Variants in VGLL4 observed in about 807,000 individuals in gnomAD.
The protein encoded by VGLL4 is vestigial like family member 4, also known as transcription cofactor vestigial-like protein 4.
Under a neutral mutation model 21.0 loss-of-function variants are expected in VGLL4, and 7 were observed. The ratio of observed to expected loss-of-function variants is 0.33; its 90% confidence interval spans 0.19 to 0.63. VGLL4 has a LOEUF of 0.63. Among genes scored for constraint, VGLL4 ranks in the 20% least tolerant of loss-of-function variants. The pLI is 0.78. For missense variants in VGLL4, 394 were observed against 425.7 expected, an observed-to-expected ratio of 0.93 and a Z score of 0.66; for synonymous variants, 222 against 173.2, an observed-to-expected ratio of 1.28 and a Z score of -2.21.
chr3:11,575,489 G>A (rs561305053), intron 2 of VGLL4, among the ~76,000 whole-genome samples: 7 of 152,244 alleles, frequency 4.6e-5, no homozygotes, highest in South Asian at 2.1e-4. Context: ...AAGGAGCTCC[G>A]AGGGCAAAGT....
intron 2 of VGLL4, among the ~76,000 whole-genome samples, chr3:11,591,242 C>T (rs2074488445): frequency 6.6e-6 from 1 of 152,182 alleles, no homozygotes; most frequent in Non-Finnish European, 1.5e-5. Flanking sequence ...CACATTCTGT[C>T]ACATACCCCA....
intron 1 of VGLL4, among the ~76,000 whole-genome samples, chr3:11,713,964 G>A (rs966561842): frequency 6.6e-6 from 1 of 152,270 alleles, no homozygotes; most frequent in Admixed American, 6.5e-5. Context: ...AGCCCTGCAG[G>A]AGGGCAGGGG....
rs529628650 is a variant in VGLL4, at chr3:11,650,094, C to T, written c.65-48072G>A. ...GGTGCATGCCACCGTGTCTGGCTAA[C>T]TTTTTTTTTTAATCATTTTTTGTAG... On this transcript the variant is annotated intron_variant, in intron 2 of 5. Transcript: ENST00000273038. 8.7e-5 allele frequency among the ~76,000 whole-genome samples: 13 copies of T among 149,854 alleles called. No individual in the cohort carries two copies. The East Asian group carries it at 2.3e-3, about 27-fold the overall frequency.
rs754575118 is a variant in VGLL4 at position 11,564,851 on chromosome 3, G to A, written c.441C>T (p.Asp147=). The change falls in exon 3 of 5, where the codon GAC becomes GAT. Residue 147 remains aspartate, a synonymous_variant. Transcript: ENST00000430365. ...QPLALTKNSL[D]ASRPAGLSPT... ...GCGAGAGGCCGGCTGGCCTGCTGGC[G>A]TCCAGGCTGTTCTTGGTCAGTGCGA... 2.9e-5 allele frequency: 46 copies of A among 1,605,578 alleles called. No individual in the cohort carries two copies. Among genetic ancestry groups the A allele is most frequent in the East Asian group, 4.5e-5 (2 of 44,640 alleles).
intron 1 of VGLL4, among the ~76,000 whole-genome samples, chr3:11,630,197 C>CT (rs1476018232): frequency 2.6e-5 from 4 of 152,266 alleles, no homozygotes; most frequent in East Asian, 1.9e-4. Context: ...CGGAATATAT[C>CT]TTTTTTTCAC....
Position 11,675,234 on chromosome 3 carries a change from C to T in VGLL4, c.64+27737G>A, listed in dbSNP as rs561197202. 1.1e-4 allele frequency among the ~76,000 whole-genome samples: 17 copies of T among 152,134 alleles called. No individual in the cohort carries two copies. In the East Asian group the frequency reaches 3.3e-3, roughly 29 times the overall value. On this transcript the variant is annotated intron_variant, in intron 2 of 5. Transcript: ENST00000273038. ...GCAGGCGCCTGTAATCCCAGCTACT[C>T]AGGAGGCTGAGGCATGAGAATCACT...
In VGLL4 at chr3:11,565,096, G is replaced by A. The variant is rs562513704; in HGVS notation, c.273-77C>T. 189 of 1,302,376 alleles carry A rather than the reference G, an allele frequency of 1.5e-4. No homozygotes were observed. In the East Asian group the frequency reaches 4.5e-3, roughly 31 times the overall value. 80.7% of individuals were successfully genotyped at this position (1,302,376 alleles called of 1,614,324 possible). On this transcript the variant is annotated intron_variant, in intron 2 of 4. Transcript: ENST00000430365. This position sits in a 1 kb window ranked among gnomAD's most constrained non-coding sequence, Gnocchi z 4.1. The stretch of plus-strand genomic sequence containing the variant: ...ACAGTGACTGTGCGCCAGGCACTCC[G>A]TGTTGCTTATTTAATTTTTTACCCT...
rs989682440 is a variant in VGLL4 at position 11,633,904 on chromosome 3, T to C, written c.82+9533A>G. Among the ~76,000 whole-genome samples the C allele has an allele frequency of 2.0e-5, 3 of 152,096 alleles. No homozygotes were observed. In the East Asian group the frequency reaches 5.8e-4, roughly 29 times the overall value. On this transcript the variant is annotated intron_variant, in intron 1 of 4. Transcript: ENST00000430365. ...AAGCCGGAATGATATTCTGGTAATA[T>C]TACAGATGTAAACCTAGAAGAAGAT...
intron 2 of VGLL4, among the ~76,000 whole-genome samples, chr3:11,583,890 G>T (rs1004455785): frequency 6.6e-6 from 1 of 152,172 alleles, no homozygotes; most frequent in Admixed American, 6.5e-5. Context: ...GAGAGGTTTG[G>T]GGGGATGGAC....
chr3:11,640,684 G>A (rs531601087), intron 1 of VGLL4, among the ~76,000 whole-genome samples: 1 of 152,144 alleles, frequency 6.6e-6, no homozygotes, highest in Non-Finnish European at 1.5e-5. Context: ...ATGGTGGAGG[G>A]CAGGAGCCAG....
At chr3:11,680,515 T>C (rs1320866254) in intron 2 of VGLL4, among the ~76,000 whole-genome samples, 1 of 152,116 alleles carries the variant, frequency 6.6e-6, no homozygotes, top group Non-Finnish European at 1.5e-5. Context: ...AGACCAGTAG[T>C]GCCAAAACAC....
chr3:11,599,086 A>T (rs2074716540), intron 2 of VGLL4, among the ~76,000 whole-genome samples: 1 of 152,174 alleles, frequency 6.6e-6, no homozygotes, highest in Non-Finnish European at 1.5e-5. Context: ...AACACGAAGA[A>T]GTAAGACAGG....
chr3:11,603,053 G>C (rs189762219), intron 1 of VGLL4, among the ~76,000 whole-genome samples: 1 of 152,214 alleles, frequency 6.6e-6, no homozygotes, highest in Admixed American at 6.5e-5. Context: ...AACTTCATCC[G>C]AGGCCTTGTG....
intron 2 of VGLL4, among the ~76,000 whole-genome samples, chr3:11,657,388 A>C (rs2125349731): frequency 1.3e-5 from 2 of 152,318 alleles, no homozygotes; most frequent in Middle Eastern, 6.8e-3. Flanking sequence ...CAAATGTGGC[A>C]AGCAAATGAG....
intron 2 of VGLL4, among the ~76,000 whole-genome samples, chr3:11,661,769 G>A (rs1267612204): frequency 6.6e-6 from 1 of 152,168 alleles, no homozygotes; most frequent in African/African-American, 2.4e-5. Flanking sequence ...ACTGCGCCCA[G>A]CCTGAACCAA....
chr3:11,558,458 CCCA>C lies in VGLL4; in HGVS notation c.*95_*97del. The C allele has an allele frequency of 1.9e-6, 2 of 1,029,734 alleles. No individual in the cohort carries two copies. Among genetic ancestry groups the C allele is most frequent in the South Asian group, 1.5e-5 (1 of 67,392 alleles). 63.8% of individuals were successfully genotyped at this position (1,029,734 alleles called of 1,614,324 possible). On this transcript the variant is annotated 3_prime_UTR_variant, in exon 5 of 5. Transcript: ENST00000430365. ...CAAATAAACCATCCCTTCCCTTCCC[CCCA>C]CCCCACCCCCATGATTTTTTTTTTT...
At chr3:11,560,986 G>A (rs1186876725) in intron 3 of VGLL4, among the ~76,000 whole-genome samples, 1 of 152,058 alleles carries the variant, frequency 6.6e-6, no homozygotes, top group African/African-American at 2.4e-5. Flanking sequence ...CAGGGGTCAA[G>A]CAGCAGCAAG....
chr3:11,673,787 G>A (rs1468825464), intron 2 of VGLL4, among the ~76,000 whole-genome samples: 1 of 152,056 alleles, frequency 6.6e-6, no homozygotes, highest in Non-Finnish European at 1.5e-5. Context: ...GCCAAGGTGG[G>A]TGGATCACTT....
At position 11,558,365 on chromosome 3, in the gene VGLL4, A is replaced by C; in HGVS notation, c.*191T>G. On this transcript the variant is annotated 3_prime_UTR_variant, in exon 5 of 5. Transcript: ENST00000430365. ...CGCGTAGTTCCTGCTATCATGTTTGAGGGCCCCCTTGTACGGATACCAAGC... is the reference window on the plus strand; with the variant it reads ...CGCGTAGTTCCTGCTATCATGTTTGCGGGCCCCCTTGTACGGATACCAAGC... 1.2e-6 allele frequency: 1 copy of C among 860,322 alleles called. No individual in the cohort carries two copies. The highest frequency in any genetic ancestry group is 1.7e-6 in the Non-Finnish European group (1 of 577,020). 53.3% of individuals were successfully genotyped at this position (860,322 alleles called of 1,614,324 possible).
Sources: gnomAD v4.1 joint callset for allele counts (sites outside exome capture counted in the v4.1 genomes callset) on GRCh38, gnomAD v4.1.1 for gene constraint, Gnocchi (gnomAD v3.1) non-coding constraint, MANE v1.5 for transcripts, NCBI Gene and HGNC (gene_info 2026-07-23, HGNC 2026-07-21) for gene names.